RAF1: variants seen among roughly 807,000 people sequenced by gnomAD.
The protein encoded by RAF1 is RAF proto-oncogene serine/threonine-protein kinase.
Under a neutral mutation model 81.1 loss-of-function variants are expected in RAF1, and 27 were observed. That is an observed-to-expected ratio of 0.33 (90% CI 0.25 to 0.46). RAF1 has a LOEUF of 0.46. RAF1 is among the 20% of genes least tolerant of loss of function. RAF1 has a pLI of 1.00. For missense variants in RAF1, 598 were observed against 826.0 expected, an observed-to-expected ratio of 0.72 and a Z score of 3.38; for synonymous variants, 298 against 294.0, an observed-to-expected ratio of 1.01 and a Z score of -0.14.
At position 12,591,272 on chromosome 3, in the gene RAF1, T is replaced by C. The variant is rs146431814; in HGVS notation, c.1254-298A>G. On this transcript the variant is annotated intron_variant, in intron 12 of 17. Transcript: ENST00000442415. ...CTCCTGTGGAGGTCACAAGGACTCC[T>C]TGTAGAAGTCTCCATTATATGACTT... Among the ~76,000 whole-genome samples the C allele has an allele frequency of 2.6e-5, 4 of 152,302 alleles. No homozygotes were observed. The East Asian group carries it at 5.8e-4, about 22-fold the overall frequency.
intron 8 of RAF1, among the ~76,000 whole-genome samples, chr3:12,603,149 C>T (rs527953642): frequency 6.6e-6 from 1 of 152,252 alleles, no homozygotes; most frequent in East Asian, 1.9e-4. Context: ...TTGTAGCTCC[C>T]TACAGCCTAG....
At chr3:12,654,411 G>A (rs765170406) in intron 1 of RAF1, among the ~76,000 whole-genome samples, 9 of 152,064 alleles carry the variant, frequency 5.9e-5, no homozygotes, top group Non-Finnish European at 1.3e-4. Flanking sequence ...ACATCAGCCT[G>A]GGCAACATGG....
rs777760015 is a variant in RAF1 at position 12,585,107 on chromosome 3, C to G, written c.1728+15G>C. The G allele has an allele frequency of 1.2e-6, 2 of 1,614,090 alleles. No homozygotes were observed. ...CTCCCACGAGTTGGGTCCTTTCGCA[C>G]CAGCACAGACTTACCTGATCTCGGT... On this transcript the variant is annotated intron_variant, in intron 16 of 17. Coordinates refer to ENST00000442415, the MANE Select transcript of RAF1 (RefSeq NM_001354689.3).
intron 1 of RAF1, among the ~76,000 whole-genome samples, chr3:12,636,793 C>T (rs2060045945): frequency 6.6e-6 from 1 of 151,644 alleles, no homozygotes; most frequent in Non-Finnish European, 1.5e-5. Context: ...GGTAACAGAG[C>T]AAGACCTTGT....
chr3:12,615,966 C>T (rs1467520698), intron 2 of RAF1, among the ~76,000 whole-genome samples: 4 of 151,944 alleles, frequency 2.6e-5, no homozygotes, highest in South Asian at 4.1e-4. Context: ...CAAGGAGAAT[C>T]GCTTGAACCT....
Position 12,606,208 on chromosome 3 carries a change from G to C in RAF1, c.673C>G (p.Pro225Ala), listed in dbSNP as rs1162264411. The change falls in exon 6 of 18, where the codon CCT becomes GCT. Residue 225 changes from proline (P) to alanine (A), a missense_variant. This residue lies in a region of RAF1 where 194 missense variants were observed against 202.7 expected (regional missense o/e 0.96). Coordinates refer to ENST00000442415, the MANE Select transcript of RAF1 (RefSeq NM_001354689.3). ...CTATAGGTAAAAAATTACCTAACAG[G>C]CATCCTGGAAACAGACTCTCGCATA... The C allele has an allele frequency of 2.5e-6, 4 of 1,612,526 alleles. No individual in the cohort carries two copies. The highest frequency in any genetic ancestry group is 3.4e-6 in the Non-Finnish European group (4 of 1,178,718).
At chr3:12,597,027 T>C (rs778332001) in intron 11 of RAF1, among the ~76,000 whole-genome samples, 14 of 151,942 alleles carry the variant, frequency 9.2e-5, no homozygotes, top group African/African-American at 3.4e-4. Context: ...GCCTCCAAAG[T>C]AGCTGGGACT....
At chr3:12,597,595 C>T (rs1171005567) in intron 11 of RAF1, among the ~76,000 whole-genome samples, 1 of 152,138 alleles carries the variant, frequency 6.6e-6, no homozygotes, top group East Asian at 1.9e-4. Flanking sequence ...CCTAAGGAAT[C>T]CTGGAGATAT....
chr3:12,648,905 G>A (rs903932945), intron 1 of RAF1, among the ~76,000 whole-genome samples: 1 of 152,088 alleles, frequency 6.6e-6, no homozygotes, highest in Non-Finnish European at 1.5e-5. Context: ...ACCTGAGGTC[G>A]GGAGTTCAAG....
chr3:12,657,370 G>A (rs898003379), intron 1 of RAF1, among the ~76,000 whole-genome samples: 3 of 152,236 alleles, frequency 2.0e-5, no homozygotes, highest in African/African-American at 7.2e-5. Flanking sequence ...AGAGAACAAA[G>A]GAGAACGTAG....
chr3:12,644,354 A>G (rs1478082516), intron 1 of RAF1, among the ~76,000 whole-genome samples: 3 of 152,214 alleles, frequency 2.0e-5, no homozygotes, highest in Admixed American at 2.0e-4. Context: ...AAGCCAAACT[A>G]GAACACCCAC....
intron 1 of RAF1, among the ~76,000 whole-genome samples, chr3:12,660,343 C>A (rs962080910): frequency 6.6e-6 from 1 of 151,856 alleles, no homozygotes; most frequent in Admixed American, 6.6e-5. Context: ...ATCACCAACA[C>A]TGGAGTACAG....
intron 5 of RAF1, among the ~76,000 whole-genome samples, chr3:12,607,887 G>A (rs954100787): frequency 1.5e-4 from 21 of 142,266 alleles, no homozygotes; most frequent in Non-Finnish European, 2.0e-4. Flanking sequence ...GGAGGCAGAG[G>A]TTGCAGTGAG....
At chr3:12,617,836 T>C (rs1396250259) in intron 2 of RAF1, among the ~76,000 whole-genome samples, 4 of 140,204 alleles carry the variant, frequency 2.9e-5, no homozygotes, top group Non-Finnish European at 4.5e-5. Flanking sequence ...GAGGTTGCAG[T>C]GAGCTGCACT....
intron 11 of RAF1, among the ~76,000 whole-genome samples, chr3:12,595,359 A>T (rs1009961669): frequency 6.6e-6 from 1 of 152,152 alleles, no homozygotes; most frequent in Non-Finnish European, 1.5e-5. Context: ...GATGTGGGCC[A>T]CTGCACCCAA....
chr3:12,627,389 T>TTCTA (rs1294694727), intron 1 of RAF1, among the ~76,000 whole-genome samples: 2 of 152,176 alleles, frequency 1.3e-5, no homozygotes, highest in South Asian at 2.1e-4. Context: ...AAGGCCTAGA[T>TTCTA]TCTACTCTGT....
At chr3:12,649,199 G>A (rs1177738393) in intron 1 of RAF1, among the ~76,000 whole-genome samples, 1 of 152,172 alleles carries the variant, frequency 6.6e-6, no homozygotes, top group African/African-American at 2.4e-5. Context: ...CAACTTCTAA[G>A]AGTTACAGTA....
intron 1 of RAF1, among the ~76,000 whole-genome samples, chr3:12,621,529 TAC>T (rs1397300211): frequency 6.6e-6 from 1 of 152,264 alleles, no homozygotes; most frequent in African/African-American, 2.4e-5. Context: ...GTTATTCTCA[TAC>T]AGTCTTTGTA....
At chr3:12,626,085 G>T (rs2059693117) in intron 1 of RAF1, among the ~76,000 whole-genome samples, 1 of 151,520 alleles carries the variant, frequency 6.6e-6, no homozygotes, top group Non-Finnish European at 1.5e-5. Context: ...GGCTAACATA[G>T]TGAAACCCTA....
Sources: allele counts gnomAD v4.1 joint callset (sites outside exome capture counted in the v4.1 genomes callset), GRCh38; gene constraint gnomAD v4.1.1; regional missense constraint gnomAD v4.1.1; transcripts MANE v1.5; gene names NCBI Gene and HGNC (gene_info 2026-07-23, HGNC 2026-07-21).